The following NUAK1 variants were observed in gnomAD, a reference collection of about 807,000 sequenced individuals.
NUAK1 encodes NUAK family SNF1-like kinase 1.
Under a neutral mutation model 56.9 loss-of-function variants are expected in NUAK1, and 26 were observed. The ratio of observed to expected loss-of-function variants is 0.46; its 90% CI spans 0.33 to 0.63. NUAK1 has a LOEUF of 0.63. Among genes scored for constraint, NUAK1 ranks in the 30% least tolerant of loss-of-function variants. NUAK1 has a pLI of 0.02. For missense variants in NUAK1, 727 were observed against 876.1 expected, an observed-to-expected ratio of 0.83 and a Z score of 2.15; for synonymous variants, 337 against 336.0, an observed-to-expected ratio of 1.00 and a Z score of -0.03.
chr12:106,099,193 T>G (rs774024001), intron 2 of NUAK1, among the ~76,000 whole-genome samples: 3 of 152,206 alleles, frequency 2.0e-5, no homozygotes, highest in Non-Finnish European at 2.9e-5. Flanking sequence ...AGGGTTTGGT[T>G]CAAGAAAGAC....
chr12:106,136,449 GGAC>G (rs1391434807), intron 1 of NUAK1, among the ~76,000 whole-genome samples: 2 of 152,112 alleles, frequency 1.3e-5, no homozygotes, highest in Non-Finnish European at 2.9e-5. Flanking sequence ...AGAGAAAGGC[GGAC>G]TCCTGCCTAC....
At chr12:106,128,614 G>A (rs929513257) in intron 1 of NUAK1, among the ~76,000 whole-genome samples, 4 of 152,176 alleles carry the variant, frequency 2.6e-5, no homozygotes, top group Admixed American at 6.5e-5. Context: ...TTTGTGGCCC[G>A]TGAGCCTGAC....
Position 106,064,381 on chromosome 12 carries a change from G to C in NUAK1, c.*2421C>G, listed in dbSNP as rs2032311608. The C allele has an allele frequency of 6.6e-6, 1 of 152,202 alleles. No individual in the cohort carries two copies. Among genetic ancestry groups the C allele is most frequent in the Non-Finnish European group, 1.5e-5 (1 of 68,058 alleles). 9.4% of individuals were successfully genotyped at this position (152,202 alleles called of 1,614,324 possible). On this transcript the variant is annotated 3_prime_UTR_variant, in exon 7 of 7. Transcript: ENST00000261402. ...TCACTGGAAGGAAAACTTAACCCCT[G>C]CAAACAATGCAGATGCCTAAGGCCA...
At chr12:106,130,094 G>A (rs2033062052) in intron 1 of NUAK1, among the ~76,000 whole-genome samples, 1 of 152,030 alleles carries the variant, frequency 6.6e-6, no homozygotes, top group African/African-American at 2.4e-5. Flanking sequence ...CGATTCTCCT[G>A]CCTCAGCCTC....
At chr12:106,112,689 CT>C (rs2032874225) in intron 1 of NUAK1, among the ~76,000 whole-genome samples, 1 of 152,206 alleles carries the variant, frequency 6.6e-6, no homozygotes, top group African/African-American at 2.4e-5. Context: ...TTCCCTTCCT[CT>C]TTAGCCTGTT....
chr12:106,088,341 T>C (rs1461189566), intron 2 of NUAK1, among the ~76,000 whole-genome samples: 1 of 152,166 alleles, frequency 6.6e-6, no homozygotes, highest in East Asian at 1.9e-4. Context: ...TCCACTTTTC[T>C]AACATTTCCA....
At chr12:106,082,105 G>A (rs1046980698) in intron 4 of NUAK1, among the ~76,000 whole-genome samples, 11 of 152,206 alleles carry the variant, frequency 7.2e-5, no homozygotes, top group Non-Finnish European at 1.2e-4. Flanking sequence ...TTGTAGTATT[G>A]TCTAAAATCT....
At chr12:106,095,377 T>C (rs1186683653) in intron 2 of NUAK1, among the ~76,000 whole-genome samples, 1 of 152,214 alleles carries the variant, frequency 6.6e-6, no homozygotes, top group Admixed American at 6.5e-5. Flanking sequence ...CTGGAAACCC[T>C]GGCAGAGGGC....
intron 2 of NUAK1, among the ~76,000 whole-genome samples, chr12:106,098,003 G>C (rs1214711749): frequency 6.6e-6 from 1 of 152,198 alleles, no homozygotes; most frequent in East Asian, 1.9e-4. Flanking sequence ...AAGCCCCACT[G>C]CCCCTGGCCA....
chr12:106,076,934 G>A (rs2032470136), intron 4 of NUAK1, among the ~76,000 whole-genome samples: 1 of 152,166 alleles, frequency 6.6e-6, no homozygotes, highest in Non-Finnish European at 1.5e-5. Flanking sequence ...TGATGGTAAT[G>A]CCTACACAAC....
chr12:106,116,943 A>G (rs982476902), intron 1 of NUAK1, among the ~76,000 whole-genome samples: 1 of 152,222 alleles, frequency 6.6e-6, no homozygotes, highest in Admixed American at 6.5e-5. Context: ...TCGATTCCAC[A>G]GCAAGCAATT....
At chr12:106,133,537 T>C (rs1438061548) in intron 1 of NUAK1, among the ~76,000 whole-genome samples, 1 of 152,194 alleles carries the variant, frequency 6.6e-6, no homozygotes, top group Non-Finnish European at 1.5e-5. Flanking sequence ...GTCTGACCCT[T>C]GGCAAGTTAC....
At chr12:106,102,519 G>C (rs777708765) in intron 2 of NUAK1, among the ~76,000 whole-genome samples, 1 of 152,104 alleles carries the variant, frequency 6.6e-6, no homozygotes, top group Non-Finnish European at 1.5e-5. Flanking sequence ...GTGGCTAGTG[G>C]CTTCTGTGTT....
chr12:106,081,471 T>C (rs943976452), intron 4 of NUAK1, among the ~76,000 whole-genome samples: 1 of 152,240 alleles, frequency 6.6e-6, no homozygotes, highest in African/African-American at 2.4e-5. Flanking sequence ...TAGAAATTCT[T>C]AAGGAAAGGT....
Position 106,138,584 on chromosome 12 carries a change from G to C in NUAK1, c.70C>G (p.Arg24Gly). The C allele has an allele frequency of 4.4e-6, 7 of 1,595,932 alleles. No homozygotes were observed. The highest frequency in any genetic ancestry group is 5.9e-6 in the Non-Finnish European group (7 of 1,176,784). The change falls in exon 1 of 7, where the codon CGA (arginine) becomes GGA (glycine). Residue 24 changes from arginine to glycine, a missense_variant. Coordinates refer to ENST00000261402, the MANE Select transcript of NUAK1 (RefSeq NM_014840.3). The surrounding 1 kb of genome is among the most constrained non-coding windows in gnomAD (Gnocchi z 5.0). ...DLGLGAPGSPREAVAGATAAL... is the reference protein window; with the variant it reads ...DLGLGAPGSPGEAVAGATAAL... ...GCAGTCGCCCCCGCCACCGCCTCTC[G>C]GGGAGAGCCCGGCGCCCCCAGCCCC...
intron 2 of NUAK1, among the ~76,000 whole-genome samples, chr12:106,102,849 G>A (rs913376859): frequency 6.6e-6 from 1 of 152,190 alleles, no homozygotes; most frequent in Non-Finnish European, 1.5e-5. Flanking sequence ...CTCCTGATGT[G>A]AGACCTCAAG....
At chr12:106,130,504 A>C (rs975449725) in intron 1 of NUAK1, among the ~76,000 whole-genome samples, 2 of 152,180 alleles carry the variant, frequency 1.3e-5, no homozygotes, top group Non-Finnish European at 2.9e-5. Flanking sequence ...TTGAGCCCCA[A>C]TGTGGGGATG....
chr12:106,067,638 C>G lies in NUAK1; in HGVS notation c.1150G>C (p.Ala384Pro), dbSNP rs778299911. The G allele has an allele frequency of 1.9e-6, 3 of 1,614,250 alleles. No individual in the cohort carries two copies. In the South Asian group the frequency reaches 3.3e-5, roughly 18 times the overall value. The change falls in exon 7 of 7, where the codon GCA becomes CCA. Residue 384 changes from alanine (A) to proline (P), a missense_variant. Ala to Pro is a conservative substitution (Grantham distance 27). Coordinates refer to ENST00000261402, the MANE Select transcript of NUAK1 (RefSeq NM_014840.3). The surrounding 1 kb of genome is among the most constrained non-coding windows in gnomAD (Gnocchi z 6.0). Reference protein sequence around the residue: ...ENDFAQSGQDAVPESPSKLSS... With the variant: ...ENDFAQSGQDPVPESPSKLSS... Reference sequence around the variant, plus strand: ...AACTTGGATGGGCTTTCAGGCACTGCATCCTGACCAGACTGAGCAAAGTCA... The same window carrying G: ...AACTTGGATGGGCTTTCAGGCACTGGATCCTGACCAGACTGAGCAAAGTCA...
chr12:106,072,341 A>G (rs2032414537), intron 5 of NUAK1, among the ~76,000 whole-genome samples: 1 of 152,244 alleles, frequency 6.6e-6, no homozygotes, highest in Admixed American at 6.5e-5. Flanking sequence ...TTGCCACAAG[A>G]TAGTTTTCAT....
Sources: allele counts gnomAD v4.1 joint callset (sites outside exome capture counted in the v4.1 genomes callset), GRCh38; gene constraint gnomAD v4.1.1; non-coding constraint Gnocchi (gnomAD v3.1); transcripts MANE v1.5; gene names NCBI Gene and HGNC (gene_info 2026-07-23, HGNC 2026-07-21).